BDP1: variants seen among roughly 807,000 people sequenced by gnomAD.
BDP1 encodes BDP1 general transcription factor IIIB subunit, also known as transcription factor TFIIIB component B'' homolog.
A neutral mutation model predicts 266.6 loss-of-function variants in BDP1; 169 were observed. That is an observed-to-expected ratio of 0.63 (90% CI 0.56 to 0.72). The LOEUF (loss-of-function observed/expected upper bound fraction) is 0.72, where lower values mean the gene tolerates loss of function less well. Ranked by LOEUF, BDP1 falls within the 30% of genes least tolerant of loss-of-function variation. BDP1 has a pLI of 0.00. For synonymous variants in BDP1, 1,090 were observed against 1,022.4 expected (o/e 1.07, Z -1.26); for missense variants, 3,015 against 3,053.8 (o/e 0.99, Z 0.30).
chr5:71,576,072 C>T, the BDP1 span, among the ~76,000 whole-genome samples: 28 of 152,222 alleles, frequency 1.8e-4, no homozygotes, highest in Non-Finnish European at 3.2e-4. Context: ...AAGAAAACTA[C>T]GCAGGAAGCT....
chr5:71,477,225 A>G (rs1231753351), intron 7 of BDP1, among the ~76,000 whole-genome samples: 2 of 150,888 alleles, frequency 1.3e-5, no homozygotes, highest in Non-Finnish European at 3.0e-5. Context: ...CGGTGCAACC[A>G]TAGCTCACTG....
chr5:71,546,782 G>T lies in BDP1; in HGVS notation c.6744+1563G>T, dbSNP rs145133100. ...CAGTATTACTACACTATTTAACATT[G>T]TCTCAACAATATGTAATATACAGTT... On this transcript the variant is annotated intron_variant, in intron 32 of 38. Transcript: ENST00000358731. Among the ~76,000 whole-genome samples the T allele has an allele frequency of 1.2e-4, 18 of 152,088 alleles. No homozygotes were observed. In the East Asian group the frequency reaches 3.3e-3, roughly 28 times the overall value.
At chr5:71,553,974 G>T (rs557542140) in intron 35 of BDP1, among the ~76,000 whole-genome samples, 75 of 152,262 alleles carry the variant, frequency 4.9e-4, no homozygotes, top group Non-Finnish European at 7.9e-4. Context: ...CAGACCATGC[G>T]AATTCAGTCA....
chr5:71,547,270 C>T (rs1406495484), intron 32 of BDP1, among the ~76,000 whole-genome samples: 1 of 151,858 alleles, frequency 6.6e-6, no homozygotes. Context: ...TTTTTGTTCA[C>T]AAAAGAGAAA....
rs1310267798 is a variant in BDP1 at position 71,552,334 on chromosome 5, G to T, written c.6996-782G>T. Among the ~76,000 whole-genome samples, 16 of 150,936 alleles carry T rather than the reference G, an allele frequency of 1.1e-4. 1 individual carries two copies. The highest frequency in any genetic ancestry group is 3.4e-4 in the African/African-American group (14 of 40,960). Reference sequence around the variant, plus strand: ...GGGAAGAGGCGCTCCTCACTTCCTAGATGGGATGGCCGCCGGGCAGAGACG... The same window carrying T: ...GGGAAGAGGCGCTCCTCACTTCCTATATGGGATGGCCGCCGGGCAGAGACG... On this transcript the variant is annotated intron_variant, in intron 34 of 38. Transcript: ENST00000358731.
At chr5:71,488,187 C>T (rs1483461335) in intron 9 of BDP1, among the ~76,000 whole-genome samples, 2 of 147,588 alleles carry the variant, frequency 1.4e-5, no homozygotes, top group Non-Finnish European at 3.0e-5. Context: ...GTGCAGTGGC[C>T]TGATCTCGGC....
At chr5:71,474,969 G>A (rs1485782861) in intron 7 of BDP1, among the ~76,000 whole-genome samples, 1 of 151,902 alleles carries the variant, frequency 6.6e-6, no homozygotes, top group Non-Finnish European at 1.5e-5. Flanking sequence ...TACTGATTAA[G>A]GTTATTAAAT....
chr5:71,457,810 TATAAA>T (rs750722853), intron 1 of BDP1, among the ~76,000 whole-genome samples: 9 of 152,234 alleles, frequency 5.9e-5, no homozygotes, highest in Non-Finnish European at 1.0e-4. Flanking sequence ...TATAAGTAAT[TATAAA>T]ATAGGAAAAA....
At chr5:71,536,739 A>AG (rs965956628) in intron 26 of BDP1, among the ~76,000 whole-genome samples, 24 of 152,116 alleles carry the variant, frequency 1.6e-4, no homozygotes, top group Non-Finnish European at 2.9e-5. Flanking sequence ...CTGAGGCAGG[A>AG]GGATCGCCTG....
At chr5:71,503,591 CTG>C (rs2150447757) in intron 15 of BDP1, among the ~76,000 whole-genome samples, 1 of 152,290 alleles carries the variant, frequency 6.6e-6, no homozygotes, top group Admixed American at 6.5e-5. Context: ...AGAACAAAGA[CTG>C]TGAATTTTAG....
chr5:71,529,304 C>T (rs1167694348), intron 25 of BDP1, among the ~76,000 whole-genome samples: 3 of 152,124 alleles, frequency 2.0e-5, no homozygotes, highest in African/African-American at 2.4e-5. Flanking sequence ...GCAGGATAAT[C>T]GCTTGAAACC....
intron 4 of BDP1, among the ~76,000 whole-genome samples, chr5:71,464,979 A>T (rs549518088): frequency 2.0e-5 from 3 of 151,650 alleles, no homozygotes; most frequent in African/African-American, 7.3e-5. Context: ...GGCCTCCCAA[A>T]GTGCTGGGAT....
intron 7 of BDP1, among the ~76,000 whole-genome samples, chr5:71,470,764 T>C (rs1322693233): frequency 1.3e-5 from 2 of 151,854 alleles, no homozygotes; most frequent in South Asian, 2.1e-4. Context: ...ATTTTTTTAC[T>C]GTTTTAGTAG....
In BDP1 at chr5:71,564,667, G is replaced by A. The variant is rs532236640; in HGVS notation, c.7744-87G>A. On this transcript the variant is annotated intron_variant, in intron 38 of 38. Transcript: ENST00000358731. ...CGTTGCTTTTCAAACAGATCATATT[G>A]GTTTAGACTGCTATATATACACACA... 128 of 1,185,852 alleles carry A rather than the reference G, an allele frequency of 1.1e-4. 1 individual carries two copies. Among genetic ancestry groups the A allele is most frequent in the Non-Finnish European group, 1.3e-4 (110 of 849,280 alleles). The allele number at this position is 1,185,852 out of a possible 1,614,324, so 73.5% of individuals were successfully genotyped here.
At chr5:71,468,494 G>A (rs1428892981) in intron 6 of BDP1, among the ~76,000 whole-genome samples, 1 of 150,480 alleles carries the variant, frequency 6.6e-6, no homozygotes, top group Non-Finnish European at 1.5e-5. Flanking sequence ...CTGTTCTGCT[G>A]AAAGAAATAT....
intron 30 of BDP1, among the ~76,000 whole-genome samples, chr5:71,543,941 C>T (rs1767120531): frequency 6.6e-6 from 1 of 152,220 alleles, no homozygotes; most frequent in Non-Finnish European, 1.5e-5. Context: ...CAAATTACCT[C>T]TTCTATATAG....
intron 36 of BDP1, among the ~76,000 whole-genome samples, chr5:71,558,783 G>A (rs1266412336): frequency 4.6e-5 from 7 of 151,092 alleles, no homozygotes; most frequent in African/African-American, 1.7e-4. Context: ...CCGAGATTGC[G>A]CCATTGCACT....
At chr5:71,569,516 A>G (rs1296818925), downstream of BDP1, among the ~76,000 whole-genome samples, 2 of 152,030 alleles carry the variant, frequency 1.3e-5, no homozygotes, top group Admixed American at 6.6e-5. Flanking sequence ...GGAGGCCGAG[A>G]TGGGAGGATC....
At chr5:71,491,781 G>C (rs905234391) in intron 11 of BDP1, among the ~76,000 whole-genome samples, 2 of 152,188 alleles carry the variant, frequency 1.3e-5, no homozygotes, top group African/African-American at 4.8e-5. Flanking sequence ...GCAGTGGCAC[G>C]ATCTCAGCTC....
Sources: gnomAD v4.1 joint callset for allele counts (sites outside exome capture counted in the v4.1 genomes callset) on GRCh38, gnomAD v4.1.1 for gene constraint, MANE v1.5 for transcripts, NCBI Gene and HGNC (gene_info 2026-07-23, HGNC 2026-07-21) for gene names.